The following MAN1C1 variants were observed in gnomAD, a reference collection of about 807,000 sequenced individuals.
MAN1C1 encodes mannosyl-oligosaccharide 1,2-alpha-mannosidase IC.
In MAN1C1, 49 loss-of-function variants were observed where a neutral mutation model predicts 71.5. That is an observed-to-expected ratio of 0.69 (90% CI 0.54 to 0.87). The LOEUF (loss-of-function observed/expected upper bound fraction) is 0.87. MAN1C1 is among the 40% of genes least tolerant of loss of function. The pLI is 0.00. For synonymous variants in MAN1C1, 352 were observed against 343.7 expected (o/e 1.02, Z -0.27); for missense variants, 743 against 835.0 (o/e 0.89, Z 1.36).
chr1:25,630,943 A>G (rs2045369526), intron 1 of MAN1C1, among the ~76,000 whole-genome samples: 1 of 146,242 alleles, frequency 6.8e-6, no homozygotes, highest in Non-Finnish European at 1.5e-5. Flanking sequence ...TTCCAGTACT[A>G]TGTTTTTGTT....
chr1:25,663,549 T>G (rs1195335326), intron 1 of MAN1C1, among the ~76,000 whole-genome samples: 2 of 152,258 alleles, frequency 1.3e-5, no homozygotes, highest in Non-Finnish European at 2.9e-5. Flanking sequence ...AATACTTCGT[T>G]GTACTGTACG....
Position 25,753,621 on chromosome 1 carries a change from A to T in MAN1C1, c.929+43A>T. ...TCCCCACTGGGGCTTTACTGCGACC[A>T]TGCCCACCATTTGTGTTTTGTCTGG... is the stretch of plus-strand genomic sequence containing the variant. On this transcript the variant is annotated intron_variant, in intron 5 of 11. Coordinates refer to ENST00000374332, the MANE Select transcript of MAN1C1 (RefSeq NM_020379.4). This position sits in a 1 kb window ranked among gnomAD's most constrained non-coding sequence, Gnocchi z 4.9. 1 of 1,560,858 alleles carries T rather than the reference A, an allele frequency of 6.4e-7. No homozygotes were observed. The highest frequency in any genetic ancestry group is 8.8e-7 in the Non-Finnish European group (1 of 1,136,720).
At chr1:25,783,529 T>G in intron 11 of MAN1C1, 134 bp from the exon 12 acceptor site, 2 of 939,224 alleles carry the variant, frequency 2.1e-6, no homozygotes, top group Non-Finnish European at 3.3e-6. Context: ...CTGCCCACAG[T>G]TTTGGGGTTG....
chr1:25,653,513 A>T (rs959398391), intron 1 of MAN1C1, among the ~76,000 whole-genome samples: 1 of 152,180 alleles, frequency 6.6e-6, no homozygotes, highest in Admixed American at 6.5e-5. Context: ...GTGTCTTGTC[A>T]TCCCACCCTG....
At chr1:25,672,949 G>A (rs981285856) in intron 1 of MAN1C1, among the ~76,000 whole-genome samples, 1 of 152,082 alleles carries the variant, frequency 6.6e-6, no homozygotes, top group South Asian at 2.1e-4. Flanking sequence ...TTTTCAAAGG[G>A]TGGCCCTGGT....
In MAN1C1 at chr1:25,753,184, G is replaced by T. The variant is rs2124353783; in HGVS notation, c.835-300G>T. Among the ~76,000 whole-genome samples the T allele has an allele frequency of 6.6e-6, 1 of 151,956 alleles. No individual in the cohort carries two copies. The highest frequency in any genetic ancestry group is 1.5e-5 in the Non-Finnish European group (1 of 67,986). On this transcript the variant is annotated intron_variant, in intron 4 of 11. Coordinates refer to ENST00000374332, the MANE Select transcript of MAN1C1 (RefSeq NM_020379.4). This position sits in a 1 kb window ranked among gnomAD's most constrained non-coding sequence, Gnocchi z 4.9. The stretch of plus-strand genomic sequence containing the variant: ...TCCCAATAAGCAGCATCCAGCCTTT[G>T]CCACCAGAGTCCTGACACTGTGGTA...
At chr1:25,679,937 C>CAAAAAA (rs1237281245) in intron 1 of MAN1C1, among the ~76,000 whole-genome samples, 22 of 85,766 alleles carry the variant, frequency 2.6e-4, no homozygotes, top group African/African-American at 8.7e-4. Context: ...ACCTCTGTCT[C>CAAAAAA]AAAAAAAAAA....
intron 1 of MAN1C1, among the ~76,000 whole-genome samples, chr1:25,660,293 C>T (rs966390207): frequency 4.0e-5 from 6 of 151,240 alleles, no homozygotes; most frequent in South Asian, 4.2e-4. Context: ...CTCAGCTACT[C>T]GTGAGGCTGA....
In MAN1C1 at chr1:25,753,589, A is replaced by G; in HGVS notation, c.929+11A>G. On this transcript the variant is annotated intron_variant, in intron 5 of 11. Coordinates refer to ENST00000374332, the MANE Select transcript of MAN1C1 (RefSeq NM_020379.4). This position sits in a 1 kb window ranked among gnomAD's most constrained non-coding sequence, Gnocchi z 4.9. ...GGTGAGCTTCAAAAGGTAGGGCGCC[A>G]TCGCGTTCCCCACTGGGGCTTTACT... 2.5e-6 allele frequency: 4 copies of G among 1,611,952 alleles called. No individual in the cohort carries two copies. The highest frequency in any genetic ancestry group is 3.4e-6 in the Non-Finnish European group (4 of 1,178,612).
chr1:25,738,360 A>G (rs751139124), intron 2 of MAN1C1, among the ~76,000 whole-genome samples: 12 of 152,244 alleles, frequency 7.9e-5, no homozygotes, highest in Non-Finnish European at 1.6e-4. Context: ...AGACCTCATC[A>G]TATTAGACGA....
chr1:25,653,885 G>A (rs2045726805), intron 1 of MAN1C1, among the ~76,000 whole-genome samples: 1 of 152,186 alleles, frequency 6.6e-6, no homozygotes, highest in Admixed American at 6.5e-5. Context: ...GGGAGTCAAA[G>A]GTCAGTTTTT....
At position 25,753,980 on chromosome 1, in the gene MAN1C1, G is replaced by A. The variant is rs527300493; in HGVS notation, c.929+402G>A. Reference sequence around the variant, plus strand: ...ATGGCCCCAAACACTCTCTTCCCCCGCTGGGGTTCCGGAGCCAGCAGGCAC... The same window carrying A: ...ATGGCCCCAAACACTCTCTTCCCCCACTGGGGTTCCGGAGCCAGCAGGCAC... On this transcript the variant is annotated intron_variant, in intron 5 of 11. Coordinates refer to ENST00000374332, the MANE Select transcript of MAN1C1 (RefSeq NM_020379.4). The surrounding 1 kb of genome is among the most constrained non-coding windows in gnomAD (Gnocchi z 4.9). Among the ~76,000 whole-genome samples, 1 of 152,178 alleles carries A rather than the reference G, an allele frequency of 6.6e-6. No homozygotes were observed. Among genetic ancestry groups the A allele is most frequent in the African/African-American group, 2.4e-5 (1 of 41,510 alleles).
At chr1:25,741,137 A>G (rs189863234) in intron 2 of MAN1C1, among the ~76,000 whole-genome samples, 68 of 152,070 alleles carry the variant, frequency 4.5e-4, no homozygotes, top group Admixed American at 2.0e-3. Context: ...GGAGACATGC[A>G]TGCAGAGTTG....
chr1:25,743,216 A>G (rs1056528901), intron 2 of MAN1C1, among the ~76,000 whole-genome samples: 2 of 152,154 alleles, frequency 1.3e-5, no homozygotes, highest in African/African-American at 4.8e-5. Flanking sequence ...CTGGGCCTGT[A>G]TTATTTCTAA....
chr1:25,635,586 A>T (rs1036039399), intron 1 of MAN1C1, among the ~76,000 whole-genome samples: 8 of 151,886 alleles, frequency 5.3e-5, no homozygotes, highest in Non-Finnish European at 1.2e-4. Flanking sequence ...AGTAGCTGGG[A>T]TTACAGGCAT....
rs529886835 is a variant in MAN1C1, at chr1:25,777,033, C to T, written c.1258-1072C>T. 6.6e-5 allele frequency among the ~76,000 whole-genome samples: 10 copies of T among 152,280 alleles called. No individual in the cohort carries two copies. The East Asian group carries it at 1.7e-3, about 26-fold the overall frequency. ...GAAATTTGAACCTGATGAGTCTGTGCCCCAGAGCCATGTCCATAGAATCAG... is the reference window on the plus strand; with the variant it reads ...GAAATTTGAACCTGATGAGTCTGTGTCCCAGAGCCATGTCCATAGAATCAG... On this transcript the variant is annotated intron_variant, in intron 8 of 11. Transcript: ENST00000374332.
Position 25,782,359 on chromosome 1 carries a change from A to C in MAN1C1, c.1651-226A>C, listed in dbSNP as rs1250845708. 6.6e-6 allele frequency among the ~76,000 whole-genome samples: 1 copy of C among 150,918 alleles called. No homozygotes were observed. Among genetic ancestry groups the C allele is most frequent in the Non-Finnish European group, 1.5e-5 (1 of 67,764 alleles). ...CAGCCCATCGGGCCAGAGCTCTCAG[A>C]GGTGTGGGTGGAAGGAGTGTGGCCC... On this transcript the variant is annotated intron_variant, in intron 10 of 11. Coordinates refer to ENST00000374332, the MANE Select transcript of MAN1C1 (RefSeq NM_020379.4). This position sits in a 1 kb window ranked among gnomAD's most constrained non-coding sequence, Gnocchi z 4.4.
intron 6 of MAN1C1, 47 bp downstream of exon 6, chr1:25,758,756 G>C (rs116804396): frequency 6.5e-7 from 1 of 1,531,656 alleles, no homozygotes; most frequent in Non-Finnish European, 9.0e-7. Flanking sequence ...AGGGATGAGC[G>C]TGCGGCTGCC....
intron 1 of MAN1C1, among the ~76,000 whole-genome samples, chr1:25,682,941 C>T (rs960035961): frequency 3.3e-5 from 5 of 151,300 alleles, no homozygotes; most frequent in African/African-American, 4.9e-5. Flanking sequence ...GGGAGGCTGA[C>T]GCAGGAGAAT....
Sources: allele counts gnomAD v4.1 joint callset (sites outside exome capture counted in the v4.1 genomes callset), GRCh38; gene constraint gnomAD v4.1.1; non-coding constraint Gnocchi (gnomAD v3.1); transcripts MANE v1.5; gene names NCBI Gene and HGNC (gene_info 2026-07-23, HGNC 2026-07-21).